The following HECA variants were observed in gnomAD, a reference collection of about 807,000 sequenced individuals.
The protein encoded by HECA is headcase protein homolog.
HECA carries 13 observed loss-of-function variants against 37.6 expected under a neutral mutation model. The observed-to-expected ratio is 0.35, with a 90% CI of 0.23 to 0.55. The LOEUF is 0.55. Among genes scored for constraint, HECA ranks in the 20% least tolerant of loss-of-function variants. HECA has a pLI of 0.90. For synonymous variants in HECA, 307 were observed against 291.5 expected (o/e 1.05, Z -0.54); for missense variants, 527 against 701.9 (o/e 0.75, Z 2.82).
chr6:139,160,646 C>A (rs529466373), intron 1 of HECA, among the ~76,000 whole-genome samples: 1 of 152,138 alleles, frequency 6.6e-6, no homozygotes, highest in Non-Finnish European at 1.5e-5. Flanking sequence ...AACTCCTGGC[C>A]GCAAGTGATT....
chr6:139,149,185 T>C (rs1774619160), intron 1 of HECA, among the ~76,000 whole-genome samples: 2 of 152,216 alleles, frequency 1.3e-5, no homozygotes, highest in African/African-American at 4.8e-5. Context: ...TGCATCATGC[T>C]GATCCAGGGA....
At chr6:139,153,860 A>G (rs1011527223) in intron 1 of HECA, among the ~76,000 whole-genome samples, 1 of 152,234 alleles carries the variant, frequency 6.6e-6, no homozygotes, top group Non-Finnish European at 1.5e-5. Flanking sequence ...CAAAATATAC[A>G]TATAAACTTT....
intron 2 of HECA, among the ~76,000 whole-genome samples, chr6:139,170,815 G>A (rs1341752834): frequency 6.6e-6 from 1 of 152,146 alleles, no homozygotes; most frequent in Non-Finnish European, 1.5e-5. Context: ...GAGGAAAGGT[G>A]CGGGAAAGGG....
chr6:139,143,878 AG>A, intron 1 of HECA, among the ~76,000 whole-genome samples: 1 of 151,480 alleles, frequency 6.6e-6, no homozygotes, highest in South Asian at 2.1e-4. Context: ...AAAAAAAAAA[AG>A]AAAGAAAGAA....
chr6:139,172,822 C>T (rs928845118), intron 2 of HECA, among the ~76,000 whole-genome samples: 1 of 152,190 alleles, frequency 6.6e-6, no homozygotes, highest in Non-Finnish European at 1.5e-5. Context: ...GTGGGAGCAA[C>T]AGTAATGTCT....
At chr6:139,148,923 A>G (rs143955477) in intron 1 of HECA, among the ~76,000 whole-genome samples, 1 of 151,952 alleles carries the variant, frequency 6.6e-6, no homozygotes, top group East Asian at 1.9e-4. Context: ...TTTTCCAGCT[A>G]TGTAGGACTT....
intron 1 of HECA, among the ~76,000 whole-genome samples, chr6:139,151,685 C>T (rs1170710030): frequency 2.0e-5 from 3 of 152,144 alleles, no homozygotes; most frequent in Admixed American, 2.0e-4. Context: ...ACTTTTTTAA[C>T]GTGGTCACTT....
Position 139,179,056 on chromosome 6 carries a change from A to G in HECA, c.*1951A>G, listed in dbSNP as rs1319810797. 6.6e-6 allele frequency: 1 copy of G among 152,210 alleles called. No individual in the cohort carries two copies. Among genetic ancestry groups the G allele is most frequent in the Non-Finnish European group, 1.5e-5 (1 of 68,040 alleles). The allele number at this position is 152,210 out of a possible 1,614,324, so 9.4% of individuals were successfully genotyped here. On this transcript the variant is annotated 3_prime_UTR_variant, in exon 4 of 4. Transcript: ENST00000367658. ...GGAAGAAATGCATAAAATGCCTATA[A>G]GAAGTAGAAAGTCATTGAACTGACA...
At chr6:139,156,736 T>C (rs1774722887) in intron 1 of HECA, among the ~76,000 whole-genome samples, 1 of 152,190 alleles carries the variant, frequency 6.6e-6, no homozygotes, top group South Asian at 2.1e-4. Context: ...GTGTTCTGAG[T>C]GTGCATTCCG....
chr6:139,148,779 T>C (rs1005309010), intron 1 of HECA, among the ~76,000 whole-genome samples: 1 of 151,712 alleles, frequency 6.6e-6, no homozygotes, highest in Non-Finnish European at 1.5e-5. Context: ...AAAAAAAAAA[T>C]TGGTTGCAAC....
At chr6:139,161,235 G>C (rs1211291883) in intron 1 of HECA, among the ~76,000 whole-genome samples, 1 of 152,136 alleles carries the variant, frequency 6.6e-6, no homozygotes, top group African/African-American at 2.4e-5. Context: ...GCCTCACCCT[G>C]CTGGTGTGTC....
In HECA at chr6:139,176,218, T is replaced by C. The variant is rs1775050295; in HGVS notation, c.1468-723T>C. 6.6e-6 allele frequency among the ~76,000 whole-genome samples: 1 copy of C among 152,218 alleles called. No individual in the cohort carries two copies. The highest frequency in any genetic ancestry group is 2.4e-5 in the African/African-American group (1 of 41,466). ...CTTGCTGCTTTCTAACCATGGTCTT[T>C]GGCATGGTGCTTTATCACATGTGCC... On this transcript the variant is annotated intron_variant, in intron 3 of 3. Transcript: ENST00000367658. The surrounding 1 kb of genome is among the most constrained non-coding windows in gnomAD (Gnocchi z 4.5).
At chr6:139,164,145 TCTCAACCCACAGCACCCTCC>T (rs1774849123) in intron 1 of HECA, among the ~76,000 whole-genome samples, 1 of 152,008 alleles carries the variant, frequency 6.6e-6, no homozygotes, top group South Asian at 2.1e-4. Context: ...ACTCCTTATT[TCTCAACCCACAGCACCCTCC>T]CTCTGGCCTC....
chr6:139,166,878 G>A lies in HECA; in HGVS notation c.866G>A (p.Arg289His), dbSNP rs779598244. ...TCTCCTGCCCACTTCAGCGGCCCCC[G>A]CTCCTCCAGATACCTCGGGGAGTTC... Reference protein sequence around the residue: ...ILSPAHFSGPRSSRYLGEFLK... With the variant: ...ILSPAHFSGPHSSRYLGEFLK... Residue 289 changes from arginine (R) to histidine (H), a missense_variant, in exon 2 of 4, where the codon CGC becomes CAC. By Grantham distance (29) the Arg-to-His change is conservative (BLOSUM62 0). Coordinates refer to ENST00000367658, the MANE Select transcript of HECA (RefSeq NM_016217.3). 1.9e-6 allele frequency: 3 copies of A among 1,613,910 alleles called. No homozygotes were observed. Among genetic ancestry groups the A allele is most frequent in the Non-Finnish European group, 2.5e-6 (3 of 1,179,976 alleles).
In HECA at chr6:139,142,867, G is replaced by A. The variant is rs567915990; in HGVS notation, c.271+7200G>A. On this transcript the variant is annotated intron_variant, in intron 1 of 3. Transcript: ENST00000367658. Reference sequence around the variant, plus strand: ...GGAGGCTGAGGCAGGAGAATCACTTGAACCCAGGAGGCGGAGGTTGCAGTG... The same window carrying A: ...GGAGGCTGAGGCAGGAGAATCACTTAAACCCAGGAGGCGGAGGTTGCAGTG... Among the ~76,000 whole-genome samples the A allele has an allele frequency of 2.9e-3, 444 of 152,312 alleles. 3 individuals are homozygous for A. Among genetic ancestry groups the A allele is most frequent in the Non-Finnish European group, 4.7e-3 (321 of 68,030 alleles).
At position 139,164,082 on chromosome 6, in the gene HECA, T is replaced by A. The variant is rs532544782; in HGVS notation, c.272-2202T>A. ...CACACACACAAACACACACACACACTCTCTCTCTCTCTCTCTCTGAGCATC... is the reference window on the plus strand; with the variant it reads ...CACACACACAAACACACACACACACACTCTCTCTCTCTCTCTCTGAGCATC... On this transcript the variant is annotated intron_variant, in intron 1 of 3. Transcript: ENST00000367658. 2.1e-3 allele frequency among the ~76,000 whole-genome samples: 293 copies of A among 141,300 alleles called. 1 individual carries two copies. The highest frequency in any genetic ancestry group is 3.5e-3 in the Middle Eastern group (1 of 288). 92.7% of individuals were successfully genotyped at this position (141,300 alleles called of 152,430 possible).
intron 1 of HECA, among the ~76,000 whole-genome samples, chr6:139,162,984 G>A (rs1216856517): frequency 6.6e-6 from 1 of 152,174 alleles, no homozygotes; most frequent in Non-Finnish European, 1.5e-5. Context: ...GTTTCCTGGA[G>A]TCTCCCTGTT....
intron 1 of HECA, among the ~76,000 whole-genome samples, chr6:139,160,960 A>G (rs935798236): frequency 2.6e-5 from 4 of 152,100 alleles, no homozygotes; most frequent in African/African-American, 7.2e-5. Flanking sequence ...ATGTCAAACA[A>G]CTAATCAGGA....
At chr6:139,140,126 A>G (rs1774496206) in intron 1 of HECA, among the ~76,000 whole-genome samples, 1 of 152,208 alleles carries the variant, frequency 6.6e-6, no homozygotes, top group Non-Finnish European at 1.5e-5. Context: ...GACACTTTTT[A>G]TAACCGAGGT....
Sources: allele counts gnomAD v4.1 joint callset (sites outside exome capture counted in the v4.1 genomes callset), GRCh38; gene constraint gnomAD v4.1.1; non-coding constraint Gnocchi (gnomAD v3.1); transcripts MANE v1.5; gene names NCBI Gene and HGNC (gene_info 2026-07-23, HGNC 2026-07-21).